Variants in PLA2G4A observed in about 807,000 individuals in gnomAD.
PLA2G4A encodes the protein phospholipase A2 group IVA.
PLA2G4A carries 40 observed loss-of-function variants against 81.9 expected under a neutral mutation model. That is an observed-to-expected ratio of 0.49 (90% CI 0.38 to 0.64). The LOEUF (loss-of-function observed/expected upper bound fraction) is 0.64. Among genes scored for constraint, PLA2G4A ranks in the 30% least tolerant of loss-of-function variants. The probability of loss-of-function intolerance (pLI) is 0.00; values close to 1 mark genes in which losing one functional copy is unlikely to be tolerated. For missense variants in PLA2G4A, 715 were observed against 905.1 expected (o/e 0.79, Z 2.69); for synonymous variants, 302 against 296.9 (o/e 1.02, Z -0.18).
chr1:186,910,191 C>T (rs1654892324), intron 6 of PLA2G4A, among the ~76,000 whole-genome samples: 1 of 151,994 alleles, frequency 6.6e-6, no homozygotes, highest in Admixed American at 6.5e-5. Context: ...AAGAACATAG[C>T]TCAGAGGCTT....
rs1173276257 is a variant in PLA2G4A at position 186,840,295 on chromosome 1, A to G, written c.-70+11260A>G. On this transcript the variant is annotated intron_variant, in intron 1 of 17. Transcript: ENST00000367466. ...CCCCAAGTCTACTCCCTTCAAGTGC[A>G]TACACTCCATTTACAGAGTTCTTAA... Among the ~76,000 whole-genome samples the G allele has an allele frequency of 4.6e-5, 7 of 152,184 alleles. No individual in the cohort carries two copies. The South Asian group carries it at 1.5e-3, about 32-fold the overall frequency.
chr1:186,935,742 A>G (rs758859100), intron 8 of PLA2G4A, among the ~76,000 whole-genome samples: 30 of 151,882 alleles, frequency 2.0e-4, no homozygotes, highest in Non-Finnish European at 4.3e-4. Context: ...GTCTTGGAAA[A>G]ACACATTACG....
At chr1:186,874,828 G>T (rs1050556149) in intron 3 of PLA2G4A, among the ~76,000 whole-genome samples, 1 of 151,982 alleles carries the variant, frequency 6.6e-6, no homozygotes, top group Non-Finnish European at 1.5e-5. Flanking sequence ...ACTTCTTTAA[G>T]ATTTTCTTAA....
chr1:186,897,004 G>A (rs2102122369), intron 5 of PLA2G4A, among the ~76,000 whole-genome samples: 1 of 152,224 alleles, frequency 6.6e-6, no homozygotes, highest in East Asian at 1.9e-4. Context: ...TGTTTACAGA[G>A]GTTGTAAGAG....
chr1:186,830,841 A>G (rs1272641887), intron 1 of PLA2G4A, among the ~76,000 whole-genome samples: 1 of 152,012 alleles, frequency 6.6e-6, no homozygotes, highest in Non-Finnish European at 1.5e-5. Flanking sequence ...TTCCAGGAAT[A>G]AAAAAGAGGA....
chr1:186,873,137 G>A (rs1653344164), intron 3 of PLA2G4A, among the ~76,000 whole-genome samples: 1 of 151,974 alleles, frequency 6.6e-6, no homozygotes, highest in African/African-American at 2.4e-5. Context: ...TAGTGATAAA[G>A]TTACTAAGGA....
At chr1:186,932,721 AT>A in intron 7 of PLA2G4A, 41 bp from the exon 8 acceptor site, 1 of 1,599,722 alleles carries the variant, frequency 6.3e-7, no homozygotes, top group Non-Finnish European at 8.6e-7. Flanking sequence ...GTATTTTATG[AT>A]TTTTACTTTG....
intron 13 of PLA2G4A, among the ~76,000 whole-genome samples, chr1:186,954,100 AT>A (rs1050782394): frequency 2.6e-5 from 4 of 152,172 alleles, no homozygotes; most frequent in African/African-American, 9.7e-5. Flanking sequence ...ACCTGTGAAG[AT>A]AAGGATTATA....
chr1:186,907,209 A>T (rs1280373221), intron 6 of PLA2G4A, among the ~76,000 whole-genome samples: 2 of 152,214 alleles, frequency 1.3e-5, no homozygotes, highest in Non-Finnish European at 2.9e-5. Context: ...ATATTTTAAT[A>T]TGCTTTGCTT....
chr1:186,853,694 G>A (rs572825475), intron 1 of PLA2G4A, among the ~76,000 whole-genome samples: 1 of 151,868 alleles, frequency 6.6e-6, no homozygotes, highest in Non-Finnish European at 1.5e-5. Flanking sequence ...AACAGAGTAA[G>A]TGTAGAAGAA....
intron 7 of PLA2G4A, among the ~76,000 whole-genome samples, chr1:186,922,072 T>C (rs1339526884): frequency 6.6e-6 from 1 of 152,170 alleles, no homozygotes; most frequent in Non-Finnish European, 1.5e-5. Flanking sequence ...AATCCCTTTT[T>C]GAAATTTTTC....
intron 13 of PLA2G4A, among the ~76,000 whole-genome samples, chr1:186,951,924 A>C (rs1366922220): frequency 6.6e-6 from 1 of 152,198 alleles, no homozygotes; most frequent in African/African-American, 2.4e-5. Flanking sequence ...TATGTAGCCC[A>C]TGATCTGCCT....
intron 7 of PLA2G4A, among the ~76,000 whole-genome samples, chr1:186,929,877 CA>C (rs1433215563): frequency 6.6e-6 from 1 of 152,136 alleles, no homozygotes; most frequent in Non-Finnish European, 1.5e-5. Flanking sequence ...GCCTGGGCAA[CA>C]TGGTGAAACC....
At chr1:186,887,073 A>G (rs1653962084) in intron 3 of PLA2G4A, among the ~76,000 whole-genome samples, 1 of 152,150 alleles carries the variant, frequency 6.6e-6, no homozygotes, top group Admixed American at 6.6e-5. Flanking sequence ...ATGGTATTTC[A>G]ATGGACTACA....
chr1:186,916,032 T>C (rs774676370), intron 7 of PLA2G4A, among the ~76,000 whole-genome samples: 17 of 152,144 alleles, frequency 1.1e-4, no homozygotes, highest in Non-Finnish European at 2.2e-4. Flanking sequence ...AGACATAACA[T>C]GAAGTGACAT....
In PLA2G4A at chr1:186,917,045, G is replaced by T. The variant is rs149266291; in HGVS notation, c.558+5656G>T. On this transcript the variant is annotated intron_variant, in intron 7 of 17. Coordinates refer to ENST00000367466, the MANE Select transcript of PLA2G4A (RefSeq NM_024420.3). ...CGGTTTTGCCTTCCAGGTTTCAGCG[G>T]CTGCAGGTTTCACACGGCTGTGGTG... 7.9e-5 allele frequency among the ~76,000 whole-genome samples: 12 copies of T among 152,252 alleles called. No individual in the cohort carries two copies. In the Middle Eastern group the frequency reaches 0.01, roughly 129 times the overall value.
chr1:186,946,483 A>G (rs1656350487), intron 10 of PLA2G4A, among the ~76,000 whole-genome samples, 154 bp from the exon 11 acceptor site: 1 of 152,120 alleles, frequency 6.6e-6, no homozygotes, highest in South Asian at 2.1e-4. Flanking sequence ...ACAATGTCAT[A>G]TACATAATGG....
At chr1:186,945,319 G>A (rs1257195694) in intron 10 of PLA2G4A, among the ~76,000 whole-genome samples, 2 of 152,126 alleles carry the variant, frequency 1.3e-5, no homozygotes, top group East Asian at 3.9e-4. Flanking sequence ...GAGGGATGTG[G>A]TCACATCACA....
chr1:186,941,457 A>G (rs913894228), intron 10 of PLA2G4A, among the ~76,000 whole-genome samples: 1 of 152,206 alleles, frequency 6.6e-6, no homozygotes, highest in Non-Finnish European at 1.5e-5. Flanking sequence ...TATGGTTCAG[A>G]ACGCACTTAT....
Sources: gnomAD v4.1 joint callset for allele counts (sites outside exome capture counted in the v4.1 genomes callset) on GRCh38, gnomAD v4.1.1 for gene constraint, MANE v1.5 for transcripts, NCBI Gene and HGNC (gene_info 2026-07-23, HGNC 2026-07-21) for gene names.